Variants in GPC6 observed in about 807,000 individuals in gnomAD.
GPC6 encodes the protein glypican 6, also known as glypican-6.
In GPC6, 14 loss-of-function variants were observed where a neutral mutation model predicts 55.2. The ratio of observed to expected loss-of-function variants is 0.25; its 90% CI spans 0.17 to 0.40. The LOEUF is 0.40. Among genes scored for constraint, GPC6 ranks in the 10% least tolerant of loss-of-function variants. GPC6 has a pLI of 1.00. For synonymous variants in GPC6, 278 were observed against 259.6 expected (o/e 1.07, Z -0.68); for missense variants, 641 against 708.5 (o/e 0.90, Z 1.08).
intron 1 of GPC6, among the ~76,000 whole-genome samples, chr13:93,312,830 G>T (rs1879120275): frequency 6.6e-6 from 1 of 152,126 alleles, no homozygotes; most frequent in African/African-American, 2.4e-5. Flanking sequence ...ATGTGCCTAA[G>T]TAGATTTACC....
chr13:93,852,627 G>A (rs184979461), intron 3 of GPC6, among the ~76,000 whole-genome samples: 5 of 151,570 alleles, frequency 3.3e-5, no homozygotes, highest in Middle Eastern at 3.4e-3. Context: ...CCAATTAATA[G>A]CAGAAAACCA....
At chr13:94,024,135 A>ACACACAC (rs1882806116) in intron 3 of GPC6, among the ~76,000 whole-genome samples, 1 of 151,590 alleles carries the variant, frequency 6.6e-6, no homozygotes, top group African/African-American at 2.4e-5. Flanking sequence ...ACACACACAC[A>ACACACAC]AGTGAATACA....
intron 1 of GPC6, among the ~76,000 whole-genome samples, chr13:93,354,960 A>G (rs1880792350): frequency 2.6e-5 from 4 of 152,152 alleles, no homozygotes; most frequent in African/African-American, 7.2e-5. Flanking sequence ...TTTATATTCA[A>G]TTCAACAATC....
At chr13:93,314,964 A>G (rs1314169371) in intron 1 of GPC6, among the ~76,000 whole-genome samples, 2 of 152,094 alleles carry the variant, frequency 1.3e-5, no homozygotes, top group Non-Finnish European at 2.9e-5. Flanking sequence ...TTTGTATGTC[A>G]TAGCAGTAGA....
intron 3 of GPC6, among the ~76,000 whole-genome samples, chr13:93,995,582 T>A (rs1044691779): frequency 6.6e-6 from 1 of 152,214 alleles, no homozygotes; most frequent in South Asian, 2.1e-4. Context: ...ACCTGGTATA[T>A]GTTAATATCA....
At chr13:94,042,405 A>C (rs1364230796) in intron 4 of GPC6, among the ~76,000 whole-genome samples, 1 of 151,874 alleles carries the variant, frequency 6.6e-6, no homozygotes, top group Non-Finnish European at 1.5e-5. Flanking sequence ...TTGATATAAT[A>C]CTATTAACTA....
intron 1 of GPC6, among the ~76,000 whole-genome samples, chr13:93,530,509 G>T (rs1192693407): frequency 6.6e-6 from 1 of 152,060 alleles, no homozygotes; most frequent in Non-Finnish European, 1.5e-5. Flanking sequence ...TTTTCTATTA[G>T]ATTTGGGACT....
rs187012073 is a variant in GPC6 at position 93,961,830 on chromosome 13, A to T, written c.712-65899A>T. ...CTCCTTTTTTTTTAACAATAAATGT[A>T]AATAGCAGAGATTTTAGGCAATTGC... is the stretch of plus-strand genomic sequence containing the variant. On this transcript the variant is annotated intron_variant, in intron 3 of 8. Transcript: ENST00000377047. Among the ~76,000 whole-genome samples the T allele has an allele frequency of 2.0e-5, 3 of 152,230 alleles. No individual in the cohort carries two copies. The East Asian group carries it at 5.8e-4, about 29-fold the overall frequency.
At chr13:93,845,705 T>A (rs1031184211) in intron 3 of GPC6, among the ~76,000 whole-genome samples, 3 of 148,114 alleles carry the variant, frequency 2.0e-5, no homozygotes, top group Non-Finnish European at 4.5e-5. Flanking sequence ...AAATTGGAAA[T>A]CATCATTCTC....
intron 3 of GPC6, among the ~76,000 whole-genome samples, chr13:93,855,759 T>C (rs1486534908): frequency 6.6e-6 from 1 of 151,766 alleles, no homozygotes; most frequent in Non-Finnish European, 1.5e-5. Flanking sequence ...TGCATTTCCC[T>C]GATGACATAT....
chr13:93,940,567 G>A (rs142608832), intron 3 of GPC6, among the ~76,000 whole-genome samples: 122 of 152,198 alleles, frequency 8.0e-4, no homozygotes, highest in African/African-American at 2.8e-3. Context: ...AAAAAGGAGT[G>A]AGTGAAGGAA....
At chr13:94,024,684 G>T (rs1005725067) in intron 3 of GPC6, among the ~76,000 whole-genome samples, 1 of 151,922 alleles carries the variant, frequency 6.6e-6, no homozygotes, top group African/African-American at 2.4e-5. Flanking sequence ...TTCTCTGTTG[G>T]TTGCTACCCC....
At chr13:93,707,426 G>C (rs1882891403) in intron 2 of GPC6, among the ~76,000 whole-genome samples, 2 of 151,674 alleles carry the variant, frequency 1.3e-5, no homozygotes, top group South Asian at 4.1e-4. Flanking sequence ...GGACTTAGTA[G>C]CATATTCCAT....
intron 1 of GPC6, among the ~76,000 whole-genome samples, chr13:93,325,487 A>T (rs1879622674): frequency 1.3e-5 from 2 of 152,168 alleles, no homozygotes; most frequent in African/African-American, 4.8e-5. Context: ...GTGGAGGCAG[A>T]TGAGTGAGAC....
At chr13:93,755,045 C>T (rs1391799161) in intron 2 of GPC6, among the ~76,000 whole-genome samples, 1 of 152,170 alleles carries the variant, frequency 6.6e-6, no homozygotes, top group Non-Finnish European at 1.5e-5. Context: ...AATACAGACT[C>T]ATATCATTTT....
chr13:93,289,610 T>C (rs930238138), intron 1 of GPC6, among the ~76,000 whole-genome samples: 12 of 152,172 alleles, frequency 7.9e-5, no homozygotes, highest in Non-Finnish European at 1.6e-4. Flanking sequence ...CAAAGATATA[T>C]GTATAGGGAA....
chr13:93,815,453 T>C (rs9524237), intron 2 of GPC6, among the ~76,000 whole-genome samples: 58,563 of 151,970 alleles, frequency 0.39, 12,289 homozygotes, highest in African/African-American at 0.54. Context: ...TGATGAAAAA[T>C]GACCTGCATA....
At chr13:93,371,754 G>A (rs945918407) in intron 1 of GPC6, among the ~76,000 whole-genome samples, 1 of 152,030 alleles carries the variant, frequency 6.6e-6, no homozygotes, top group Non-Finnish European at 1.5e-5. Context: ...GATACATAGT[G>A]CAATGCCATA....
intron 3 of GPC6, among the ~76,000 whole-genome samples, chr13:94,017,841 C>A (rs1425436964): frequency 6.6e-6 from 1 of 152,000 alleles, no homozygotes; most frequent in African/African-American, 2.4e-5. Flanking sequence ...CGACACCCAG[C>A]AAATTTTTGT....
Sources: gnomAD v4.1 joint callset for allele counts (sites outside exome capture counted in the v4.1 genomes callset) on GRCh38, gnomAD v4.1.1 for gene constraint, MANE v1.5 for transcripts, NCBI Gene and HGNC (gene_info 2026-07-23, HGNC 2026-07-21) for gene names.